Variants in SH2D4B observed in about 807,000 individuals in gnomAD.
SH2D4B encodes the protein SH2 domain-containing protein 4B.
Under a neutral mutation model 61.5 loss-of-function variants are expected in SH2D4B, and 45 were observed. The observed-to-expected ratio is 0.73, with a 90% CI of 0.58 to 0.94. The LOEUF (loss-of-function observed/expected upper bound fraction) is 0.94. SH2D4B is among the 40% of genes least tolerant of loss of function. The pLI is 0.00. For missense variants in SH2D4B, 572 were observed against 574.2 expected (o/e 1.00, Z 0.04); for synonymous variants, 224 against 220.4 (o/e 1.02, Z -0.14).
At chr10:80,540,481 G>T (rs1476749785) in intron 1 of SH2D4B, among the ~76,000 whole-genome samples, 2 of 152,146 alleles carry the variant, frequency 1.3e-5, no homozygotes, top group African/African-American at 4.8e-5. Flanking sequence ...CTGCGGGGTG[G>T]CAGGGCAAGC....
chr10:80,635,617 G>T (rs963613023), intron 7 of SH2D4B, among the ~76,000 whole-genome samples: 3 of 152,154 alleles, frequency 2.0e-5, no homozygotes, highest in African/African-American at 7.2e-5. Context: ...GACTAACCAG[G>T]ATCAAGGTTG....
intron 1 of SH2D4B, among the ~76,000 whole-genome samples, chr10:80,544,123 CTG>C (rs1841631308): frequency 6.6e-6 from 1 of 152,168 alleles, no homozygotes; most frequent in African/African-American, 2.4e-5. Flanking sequence ...CTATTGCTCA[CTG>C]TGGGTCCACA....
intron 4 of SH2D4B, among the ~76,000 whole-genome samples, chr10:80,589,471 C>T (rs778788490): frequency 1.2e-4 from 18 of 152,184 alleles, no homozygotes; most frequent in Middle Eastern, 3.4e-3. Flanking sequence ...CCCAGGAGGT[C>T]GAGGCTGCAG....
At chr10:80,635,947 CT>C (rs1290973729) in intron 7 of SH2D4B, among the ~76,000 whole-genome samples, 1 of 152,180 alleles carries the variant, frequency 6.6e-6, no homozygotes, top group Non-Finnish European at 1.5e-5. Context: ...ATCACTCCCC[CT>C]TCCCCCAACC....
At position 80,538,412 on chromosome 10, in the gene SH2D4B, C is replaced by A; in HGVS notation, c.81C>A (p.Leu27=). 1.3e-6 allele frequency: 2 copies of A among 1,487,516 alleles called. No homozygotes were observed. Among genetic ancestry groups the A allele is most frequent in the East Asian group, 2.6e-5 (1 of 38,832 alleles). The allele number at this position is 1,487,516 out of a possible 1,614,324, so 92.1% of individuals were successfully genotyped here. The part of the protein sequence containing the change: ...AELSDVQKHI[L]FYKMREEQLR... ...TCAGCGATGTGCAGAAGCACATCCT[C>A]TTCTACAAAATGCGGGAGGAGCAGC... The change falls in exon 1 of 8, where the codon CTC becomes CTA. Residue 27 remains leucine (L), a synonymous_variant. Transcript: ENST00000646907. The surrounding 1 kb of genome is among the most constrained non-coding windows in gnomAD (Gnocchi z 4.8).
At position 80,609,471 on chromosome 10, in the gene SH2D4B, T is replaced by A; in HGVS notation, c.908T>A (p.Val303Asp). The A allele has an allele frequency of 6.2e-7, 1 of 1,614,206 alleles. No individual in the cohort carries two copies. Among genetic ancestry groups the A allele is most frequent in the Non-Finnish European group, 8.5e-7 (1 of 1,180,034 alleles). ...CGCCCAGTCTCCAGAGATGTCATCG[T>A]CCGCTGGTTTAAGGAGGAGCAGCTG... ...PLRPVSRDVI[V>D]RWFKEEQLPR... The change falls in exon 6 of 8, where the codon GTC (valine) becomes GAC (aspartate). Residue 303 changes from valine (V) to aspartate (D), a missense_variant. By Grantham distance (152) the Val-to-Asp change is radical. Coordinates refer to ENST00000646907, the MANE Select transcript of SH2D4B (RefSeq NM_001388272.1).
chr10:80,597,221 G>A (rs980838511), intron 4 of SH2D4B, among the ~76,000 whole-genome samples: 2 of 152,138 alleles, frequency 1.3e-5, no homozygotes, highest in Admixed American at 6.5e-5. Context: ...TGAGGATGCC[G>A]AGGGACAATT....
intron 1 of SH2D4B, among the ~76,000 whole-genome samples, chr10:80,544,172 T>C (rs2132101650): frequency 6.6e-6 from 1 of 152,274 alleles, no homozygotes; most frequent in East Asian, 1.9e-4. Context: ...TGCGAAGGTC[T>C]GCAGCTTCAC....
At chr10:80,593,450 C>T (rs1010751161) in intron 4 of SH2D4B, among the ~76,000 whole-genome samples, 1 of 152,160 alleles carries the variant, frequency 6.6e-6, no homozygotes, top group African/African-American at 2.4e-5. Context: ...CGTATTCTTT[C>T]TGATGCTATT....
intron 1 of SH2D4B, among the ~76,000 whole-genome samples, chr10:80,548,699 G>A (rs981093331): frequency 2.0e-5 from 3 of 152,186 alleles, no homozygotes; most frequent in Admixed American, 6.5e-5. Context: ...GGTCATGCTC[G>A]TCTCCTTCCT....
At chr10:80,626,959 C>T (rs1354607909) in intron 6 of SH2D4B, among the ~76,000 whole-genome samples, 2 of 152,154 alleles carry the variant, frequency 1.3e-5, no homozygotes, top group Non-Finnish European at 2.9e-5. Flanking sequence ...CCTTCTTTTC[C>T]TGACATTCAG....
chr10:80,596,666 C>T (rs1281589906), intron 4 of SH2D4B, among the ~76,000 whole-genome samples: 1 of 152,114 alleles, frequency 6.6e-6, no homozygotes, highest in Non-Finnish European at 1.5e-5. Context: ...CCAAGGACTG[C>T]CGAGGGGTGG....
In SH2D4B at chr10:80,570,329, A is replaced by T; in HGVS notation, c.347+13A>T. On this transcript the variant is annotated intron_variant, in intron 2 of 7. Coordinates refer to ENST00000646907, the MANE Select transcript of SH2D4B (RefSeq NM_001388272.1). ...CTGAGGAGCTCTGGTGAGGGGTGCT[A>T]TGGGGTGTTGGGTGGGGCCTAGGCA... 1 of 1,611,766 alleles carries T rather than the reference A, an allele frequency of 6.2e-7. No homozygotes were observed. The highest frequency in any genetic ancestry group is 8.5e-7 in the Non-Finnish European group (1 of 1,179,638).
At chr10:80,629,632 C>T (rs1341930487) in intron 6 of SH2D4B, among the ~76,000 whole-genome samples, 1 of 152,182 alleles carries the variant, frequency 6.6e-6, no homozygotes, top group Non-Finnish European at 1.5e-5. Context: ...CAGCACCAGG[C>T]AGTTTGCAGC....
At chr10:80,585,258 C>T (rs951362821) in intron 3 of SH2D4B, among the ~76,000 whole-genome samples, 4 of 152,072 alleles carry the variant, frequency 2.6e-5, no homozygotes, top group Non-Finnish European at 5.9e-5. Context: ...GACACCTGTC[C>T]CTGTGTCTTC....
At chr10:80,574,616 G>A (rs865776173) in intron 3 of SH2D4B, among the ~76,000 whole-genome samples, 6 of 152,162 alleles carry the variant, frequency 3.9e-5, no homozygotes, top group South Asian at 2.1e-4. Flanking sequence ...GATCCTCCAT[G>A]AGTGTTATTA....
intron 1 of SH2D4B, among the ~76,000 whole-genome samples, chr10:80,543,916 T>A (rs12776777): frequency 0.21 from 19,896 of 95,092 alleles, 10 homozygotes; most frequent in African/African-American, 0.39. Flanking sequence ...GAGAACCTTT[T>A]TGTCTAGCTC....
chr10:80,587,606 T>C (rs1842275553), intron 3 of SH2D4B, among the ~76,000 whole-genome samples: 1 of 152,182 alleles, frequency 6.6e-6, no homozygotes, highest in Non-Finnish European at 1.5e-5. Context: ...ACTTTTATTT[T>C]AGATTCCAGA....
chr10:80,570,360 G>C, intron 2 of SH2D4B, 44 bp downstream of exon 2: 1 of 1,600,192 alleles, frequency 6.2e-7, no homozygotes, highest in South Asian at 1.1e-5. Flanking sequence ...AGGCATGGAA[G>C]CTATGCTTAG....
Sources: allele counts gnomAD v4.1 joint callset (sites outside exome capture counted in the v4.1 genomes callset), GRCh38; gene constraint gnomAD v4.1.1; non-coding constraint Gnocchi (gnomAD v3.1); transcripts MANE v1.5; gene names NCBI Gene and HGNC (gene_info 2026-07-23, HGNC 2026-07-21).